Variants in PTPDC1 observed in about 807,000 individuals in gnomAD.
PTPDC1 encodes protein tyrosine phosphatase domain containing 1.
PTPDC1 carries 53 observed loss-of-function variants against 75.3 expected under a neutral mutation model. The ratio of observed to expected loss-of-function variants is 0.70; its 90% CI spans 0.56 to 0.88. The LOEUF is 0.88. PTPDC1 is among the 40% of genes least tolerant of loss of function. The pLI is 0.00. For synonymous variants in PTPDC1, 349 were observed against 366.2 expected, an observed-to-expected ratio of 0.95 and a Z score of 0.54; for missense variants, 925 against 998.6, an observed-to-expected ratio of 0.93 and a Z score of 0.99.
chr9:94,099,839 T>C (rs1827773688), intron 6 of PTPDC1, among the ~76,000 whole-genome samples: 1 of 152,230 alleles, frequency 6.6e-6, no homozygotes, highest in African/African-American at 2.4e-5. Flanking sequence ...GTTCAGGACT[T>C]GGTTTGGGCC....
rs1827692308 is a variant in PTPDC1, at chr9:94,098,274, A to AAG, written c.1709_1710insGA (p.Asn570LysfsTer70). 1 of 1,614,154 alleles carries AAG rather than the reference A, an allele frequency of 6.2e-7. No homozygotes were observed. Among genetic ancestry groups the AAG allele is most frequent in the East Asian group, 2.2e-5 (1 of 44,864 alleles). ...CTTTGCAAATGTCCATAAGGATCCA[A>AAG]ACCCTGCTCACCAGCAAGTGTCTCA... On this transcript the variant is annotated frameshift_variant, in exon 6 of 9. Coordinates refer to ENST00000620992, the MANE Select transcript of PTPDC1 (RefSeq NM_001253829.2). LOFTEE classifies it high-confidence loss of function.
intron 6 of PTPDC1, 66 bp from the exon 7 acceptor site, chr9:94,101,500 G>T: frequency 8.0e-7 from 1 of 1,251,486 alleles, no homozygotes; most frequent in Non-Finnish European, 1.1e-6. Context: ...AGTGTCAAAT[G>T]GTGCACCTCC....
In PTPDC1 at chr9:94,085,400, A is replaced by G; in HGVS notation, c.394A>G (p.Ile132Val). ...CCGCTGGAGTGAGCAGGAGCAAGCC[A>G]TTAAGGGGGTTTACTCATCCTGGTG... Reference protein sequence around the residue: ...PARWSEQEQAIKGVYSSWVTD... With the variant: ...PARWSEQEQAVKGVYSSWVTD... Residue 132 changes from isoleucine (I) to valine (V), a missense_variant, in exon 2 of 9, where the codon ATT becomes GTT. Physicochemically the swap from Ile to Val is conservative, Grantham distance 29. Coordinates refer to ENST00000620992, the MANE Select transcript of PTPDC1 (RefSeq NM_001253829.2). 1 of 1,614,162 alleles carries G rather than the reference A, an allele frequency of 6.2e-7. No individual in the cohort carries two copies. The highest frequency in any genetic ancestry group is 8.5e-7 in the Non-Finnish European group (1 of 1,180,010).
At chr9:94,051,095 TC>T (rs1269506167) in intron 1 of PTPDC1, among the ~76,000 whole-genome samples, 1 of 152,174 alleles carries the variant, frequency 6.6e-6, no homozygotes, top group African/African-American at 2.4e-5. Flanking sequence ...GACCTGATTT[TC>T]CAAGTGCCGT....
intron 1 of PTPDC1, chr9:94,038,147 A>G: frequency 3.2e-6 from 2 of 622,364 alleles, no homozygotes; most frequent in Non-Finnish European, 6.0e-6. Context: ...CTTCGGGCAG[A>G]AGACAGGTCA....
At chr9:94,035,414 CAT>C (rs1157152915) in intron 1 of PTPDC1, among the ~76,000 whole-genome samples, 3 of 152,300 alleles carry the variant, frequency 2.0e-5, no homozygotes, top group Non-Finnish European at 2.9e-5. Flanking sequence ...ATAAGTGGAA[CAT>C]GTGGTATTTG....
intron 7 of PTPDC1, among the ~76,000 whole-genome samples, chr9:94,102,448 A>G (rs1325442589): frequency 6.6e-6 from 1 of 152,062 alleles, no homozygotes; most frequent in Non-Finnish European, 1.5e-5. Flanking sequence ...CCTTTAGGAA[A>G]AGATATTAGA....
At chr9:94,073,133 C>T (rs758954215) in intron 2 of PTPDC1, among the ~76,000 whole-genome samples, 6 of 152,178 alleles carry the variant, frequency 3.9e-5, no homozygotes, top group South Asian at 4.2e-4. Flanking sequence ...TCTCCAGTGA[C>T]GTCATTTAAG....
At chr9:94,042,221 A>G (rs924539030) in intron 1 of PTPDC1, among the ~76,000 whole-genome samples, 8 of 152,148 alleles carry the variant, frequency 5.3e-5, no homozygotes, top group African/African-American at 1.9e-4. Flanking sequence ...AAAACTAACT[A>G]CAGAACGGTA....
At chr9:94,038,001 G>A (rs1317864938) in intron 1 of PTPDC1, 17 of 335,420 alleles carry the variant, frequency 5.1e-5, no homozygotes, top group Admixed American at 2.2e-4. Flanking sequence ...AGGAACCTTC[G>A]TTGCGCCAGC....
intron 2 of PTPDC1, among the ~76,000 whole-genome samples, chr9:94,072,756 C>T (rs1826556369): frequency 6.6e-6 from 1 of 152,006 alleles, no homozygotes; most frequent in South Asian, 2.1e-4. Flanking sequence ...TTATCTAATG[C>T]TTTTTCTGTG....
At chr9:94,033,980 A>T (rs1464097475) in intron 1 of PTPDC1, among the ~76,000 whole-genome samples, 1 of 152,222 alleles carries the variant, frequency 6.6e-6, no homozygotes, top group East Asian at 1.9e-4. Context: ...AGTATAGTAG[A>T]TGTAGACAAT....
intron 1 of PTPDC1, among the ~76,000 whole-genome samples, chr9:94,060,996 AG>A (rs1564015888): frequency 6.6e-6 from 1 of 152,164 alleles, no homozygotes; most frequent in Non-Finnish European, 1.5e-5. Flanking sequence ...TACTCATTCC[AG>A]CACTAACTCA....
chr9:94,084,366 TG>T, upstream of PTPDC1: 1 of 1,124,140 alleles, frequency 8.9e-7, no homozygotes, highest in Non-Finnish European at 1.2e-6. Context: ...CAGATCTAAG[TG>T]GGAATCAGTA....
chr9:94,094,898 C>T (rs996532312), intron 4 of PTPDC1, among the ~76,000 whole-genome samples: 9 of 152,362 alleles, frequency 5.9e-5, no homozygotes, highest in East Asian at 3.9e-4. Context: ...TGACCCCTTG[C>T]GCTTCCCAAG....
At chr9:94,037,996 C>T (rs748966186) in intron 1 of PTPDC1, 12 of 327,132 alleles carry the variant, frequency 3.7e-5, no homozygotes, top group Non-Finnish European at 6.5e-5. Flanking sequence ...GGGGTAGGAA[C>T]CTTCGTTGCG....
At chr9:94,038,185 C>T (rs1476975770) in intron 1 of PTPDC1, 1 of 712,964 alleles carries the variant, frequency 1.4e-6, no homozygotes, top group Non-Finnish European at 2.5e-6. Flanking sequence ...ACACAGACGC[C>T]AATAAAAACA....
At chr9:94,043,391 A>G (rs1209207934) in intron 1 of PTPDC1, among the ~76,000 whole-genome samples, 1 of 152,222 alleles carries the variant, frequency 6.6e-6, no homozygotes, top group East Asian at 1.9e-4. Context: ...TCTTGTGCCT[A>G]TGTTTTTTAG....
chr9:94,104,469 C>T (rs1236472954), intron 8 of PTPDC1, 84 bp downstream of exon 8: 23 of 839,842 alleles, frequency 2.7e-5, no homozygotes, highest in Non-Finnish European at 4.3e-5. Flanking sequence ...CACCGTCCTC[C>T]TCTAAAATAA....
Sources: gnomAD v4.1 joint callset for allele counts (sites outside exome capture counted in the v4.1 genomes callset) on GRCh38, gnomAD v4.1.1 for gene constraint, MANE v1.5 for transcripts, NCBI Gene and HGNC (gene_info 2026-07-23, HGNC 2026-07-21) for gene names.